Variants in NOVA2 observed in about 807,000 individuals in gnomAD.
NOVA2 encodes the protein RNA-binding protein Nova-2.
Under a neutral mutation model 22.5 loss-of-function variants are expected in NOVA2, and 9 were observed. The observed-to-expected ratio is 0.40, with a 90% CI of 0.24 to 0.70. The LOEUF is 0.70. NOVA2 is among the 30% of genes least tolerant of loss of function. NOVA2 has a pLI of 0.38. For missense variants in NOVA2, 383 were observed against 682.8 expected (o/e 0.56, Z 4.89); for synonymous variants, 318 against 335.2 (o/e 0.95, Z 0.56).
chr19:45,962,551 C>T (rs967911182), intron 1 of NOVA2: 2 of 152,556 alleles, frequency 1.3e-5, no homozygotes, highest in African/African-American at 4.8e-5. Flanking sequence ...GAAGGACAGC[C>T]TCGAAGACCT....
chr19:45,954,243 G>A (rs1967969734), intron 2 of NOVA2, among the ~76,000 whole-genome samples: 1 of 152,224 alleles, frequency 6.6e-6, no homozygotes, highest in South Asian at 2.1e-4. Flanking sequence ...GGGCAGGGGA[G>A]ACAGGGCTCA....
chr19:45,967,924 C>T (rs1469130444), intron 1 of NOVA2: 1 of 150,736 alleles, frequency 6.6e-6, no homozygotes, highest in Non-Finnish European at 1.5e-5. Context: ...GCCGGGGTCA[C>T]ACAGCAGGGC....
intron 2 of NOVA2, among the ~76,000 whole-genome samples, chr19:45,958,687 T>C (rs1383811914): frequency 2.0e-5 from 3 of 152,084 alleles, no homozygotes; most frequent in Admixed American, 1.3e-4. Flanking sequence ...GTGTGCATGC[T>C]AACCTACTAG....
chr19:45,949,739 GTTTTT>G (rs558656536), intron 3 of NOVA2, among the ~76,000 whole-genome samples: 2 of 119,644 alleles, frequency 1.7e-5, no homozygotes, highest in Non-Finnish European at 1.8e-5. Flanking sequence ...ATCGTAGGTT[GTTTTT>G]TTTTTTTTTT....
At chr19:45,945,508 G>A (rs1300989127) in intron 3 of NOVA2, among the ~76,000 whole-genome samples, 2 of 151,456 alleles carry the variant, frequency 1.3e-5, no homozygotes, top group African/African-American at 2.4e-5. Flanking sequence ...GGTGTGATCA[G>A]AGCTCACTGC....
At chr19:45,947,450 G>C (rs558649309) in intron 3 of NOVA2, among the ~76,000 whole-genome samples, 1 of 150,014 alleles carries the variant, frequency 6.7e-6, no homozygotes, top group African/African-American at 2.5e-5. Flanking sequence ...ATGCTGATTT[G>C]TAAAATGTGA....
At chr19:45,957,706 T>TATAA (rs1295945908) in intron 2 of NOVA2, among the ~76,000 whole-genome samples, 2 of 150,022 alleles carry the variant, frequency 1.3e-5, no homozygotes, top group Non-Finnish European at 3.0e-5. Flanking sequence ...CCTGCCTCAA[T>TATAA]ATAAATAAAT....
rs1244642125 is a variant in NOVA2, at chr19:45,973,426, G to C, written c.-75C>G. On this transcript the variant is annotated 5_prime_UTR_variant, in exon 1 of 4. Coordinates refer to ENST00000263257, the MANE Select transcript of NOVA2 (RefSeq NM_002516.4). ...GGCGGCGGCGGCTGCTGTGGCGGCG[G>C]CGACGGCTGCTGGGGAGGCTGGGGT... is the stretch of plus-strand genomic sequence containing the variant. 4.0e-6 allele frequency: 1 copy of C among 249,636 alleles called. No individual in the cohort carries two copies. The highest frequency in any genetic ancestry group is 6.4e-6 in the Non-Finnish European group (1 of 155,138). The allele number at this position is 249,636 out of a possible 1,614,324, so 15.5% of individuals were successfully genotyped here.
At chr19:45,962,117 G>T (rs1330754596) in intron 1 of NOVA2, among the ~76,000 whole-genome samples, 1 of 152,196 alleles carries the variant, frequency 6.6e-6, no homozygotes, top group African/African-American at 2.4e-5. Flanking sequence ...CCCATGAGGG[G>T]AGCAGACCGT....
At position 45,939,399 on chromosome 19, in the gene NOVA2, C is replaced by T. The variant is rs1392405027; in HGVS notation, c.*464G>A. ...TGGGGTGTTGTGTTTTGGGAAGGCC[C>T]CTCATTCTGGGTGACCCAGAGGCTC... is the stretch of plus-strand genomic sequence containing the variant. On this transcript the variant is annotated 3_prime_UTR_variant, in exon 4 of 4. Coordinates refer to ENST00000263257, the MANE Select transcript of NOVA2 (RefSeq NM_002516.4). 1 of 152,502 alleles carries T rather than the reference C, an allele frequency of 6.6e-6. No homozygotes were observed. The highest frequency in any genetic ancestry group is 2.4e-5 in the African/African-American group (1 of 40,818). The allele number at this position is 152,502 out of a possible 1,614,324, so 9.4% of individuals were successfully genotyped here.
chr19:45,943,055 T>A (rs1253694834), intron 3 of NOVA2, among the ~76,000 whole-genome samples: 1 of 282 alleles, frequency 3.5e-3, no homozygotes. Flanking sequence ...TATGTCTACT[T>A]TTTTTTTTTT....
chr19:45,950,895 T>C (rs1437370309), intron 3 of NOVA2, among the ~76,000 whole-genome samples: 1 of 152,162 alleles, frequency 6.6e-6, no homozygotes, highest in African/African-American at 2.4e-5. Context: ...GATTGGGAAA[T>C]GGAGGCACAA....
rs1237586925 is a variant in NOVA2 at position 45,939,420 on chromosome 19, G to A, written c.*443C>T. On this transcript the variant is annotated 3_prime_UTR_variant, in exon 4 of 4. Coordinates refer to ENST00000263257, the MANE Select transcript of NOVA2 (RefSeq NM_002516.4). ...GGCCCCTCATTCTGGGTGACCCAGA[G>A]GCTCCCTCCCCTCCTCCCATATGGA... The A allele has an allele frequency of 7.2e-6, 1 of 139,482 alleles. No homozygotes were observed. The allele number at this position is 139,482 out of a possible 1,614,324, so 8.6% of individuals were successfully genotyped here.
At position 45,940,917 on chromosome 19, in the gene NOVA2, G is replaced by A; in HGVS notation, c.425C>T (p.Ala142Val). 1 of 1,604,560 alleles carries A rather than the reference G, an allele frequency of 6.2e-7. No homozygotes were observed. ...QAKLIVPNST[A>V]GLIIGKGGAT... ...GCCTCCCTTGCCGATGATCAGGCCC[G>A]CCGTGCTGTTGGGGACGATCAGCTT... The change falls in exon 4 of 4, where the codon GCG becomes GTG. Residue 142 changes from alanine (A) to valine (V), a missense_variant. Transcript: ENST00000263257.
intron 2 of NOVA2, among the ~76,000 whole-genome samples, chr19:45,955,433 C>A (rs1967990059): frequency 6.6e-6 from 1 of 152,146 alleles, no homozygotes; most frequent in Non-Finnish European, 1.5e-5. Context: ...ATGTGAATTA[C>A]AGCGAGACAA....
At chr19:45,972,067 T>C (rs1429937396) in intron 1 of NOVA2, among the ~76,000 whole-genome samples, 2 of 151,946 alleles carry the variant, frequency 1.3e-5, no homozygotes, top group African/African-American at 4.8e-5. Flanking sequence ...ATATCTCTGG[T>C]GTCACACACT....
intron 1 of NOVA2, among the ~76,000 whole-genome samples, chr19:45,963,956 G>A (rs1968132297): frequency 6.6e-6 from 1 of 152,068 alleles, no homozygotes; most frequent in African/African-American, 2.4e-5. Context: ...TGATCACAGA[G>A]GTCCACTGTG....
At chr19:45,953,597 C>G (rs1351454445) in intron 3 of NOVA2, among the ~76,000 whole-genome samples, 183 bp downstream of exon 3, 2 of 152,228 alleles carry the variant, frequency 1.3e-5, no homozygotes, top group Non-Finnish European at 2.9e-5. Flanking sequence ...GTTCTGGAGT[C>G]CTTTCTATTC....
At position 45,934,942 on chromosome 19, in the gene NOVA2, C is replaced by T. The variant is rs996720178; in HGVS notation, c.*4921G>A. Reference sequence around the variant, plus strand: ...GGTAGCAACTGCCCCTAGCCTCCCCCCTCCCCCCTGCCGGACACACAGTTT... The same window carrying T: ...GGTAGCAACTGCCCCTAGCCTCCCCTCTCCCCCCTGCCGGACACACAGTTT... On this transcript the variant is annotated 3_prime_UTR_variant, in exon 4 of 4. Transcript: ENST00000263257. The T allele has an allele frequency of 6.6e-6, 1 of 152,006 alleles. No individual in the cohort carries two copies. The highest frequency in any genetic ancestry group is 6.6e-5 in the Admixed American group (1 of 15,242). 9.4% of individuals were successfully genotyped at this position (152,006 alleles called of 1,614,324 possible).
Sources: allele counts gnomAD v4.1 joint callset (sites outside exome capture counted in the v4.1 genomes callset), GRCh38; gene constraint gnomAD v4.1.1; transcripts MANE v1.5; gene names NCBI Gene and HGNC (gene_info 2026-07-23, HGNC 2026-07-21).